FHIT: variants seen among roughly 807,000 people sequenced by gnomAD.
FHIT encodes the protein fragile histidine triad diadenosine triphosphatase.
In FHIT, 19 loss-of-function variants were observed where a neutral mutation model predicts 17.9. The observed-to-expected ratio is 1.06, with a 90% CI of 0.74 to 1.56. The LOEUF is 1.56. FHIT is among the 40% of genes most tolerant of loss of function. The pLI is 0.00. For missense variants in FHIT, 248 were observed against 189.2 expected, an observed-to-expected ratio of 1.31 and a Z score of -1.82; for synonymous variants, 81 against 69.7, an observed-to-expected ratio of 1.16 and a Z score of -0.81.
intron 8 of FHIT, among the ~76,000 whole-genome samples, chr3:59,903,664 T>C (rs1019620469): frequency 1.3e-5 from 2 of 152,062 alleles, no homozygotes; most frequent in East Asian, 1.9e-4. Flanking sequence ...CTGGAGTAGT[T>C]AGAAAAGCCC....
In FHIT at chr3:61,045,908, G is replaced by A. The variant is rs555702914; in HGVS notation, c.-163-3809C>T. Reference sequence around the variant, plus strand: ...ATGACTACTGGGCACATAACGAAATGAAGGCAGAAATAAAGATGTTCTTTG... The same window carrying A: ...ATGACTACTGGGCACATAACGAAATAAAGGCAGAAATAAAGATGTTCTTTG... On this transcript the variant is annotated intron_variant, in intron 2 of 9. Transcript: ENST00000492590. Among the ~76,000 whole-genome samples the A allele has an allele frequency of 2.0e-5, 3 of 152,224 alleles. No homozygotes were observed. The South Asian group carries it at 6.2e-4, about 32-fold the overall frequency.
In FHIT at chr3:60,536,860, G is replaced by A. The variant is rs773014183; in HGVS notation, c.103C>T (p.His35Tyr). Residue 35 changes from histidine (H) to tyrosine (Y), a missense_variant and splice_region_variant, in exon 5 of 10, where the codon CAT becomes TAT. Transcript: ENST00000492590. ...LVNRKPVVPG[H>Y]VLVCPLRPVE... ...CTCCAAAAAAAAAAAGAAAGGATAC[G>A]TCCTGGTACCACAGGTTTCCTATTC... The A allele has an allele frequency of 4.6e-5, 73 of 1,596,948 alleles. No homozygotes were observed. Among genetic ancestry groups the A allele is most frequent in the Non-Finnish European group, 5.6e-5 (66 of 1,174,160 alleles).
chr3:60,303,320 G>A (rs770976656), intron 5 of FHIT, among the ~76,000 whole-genome samples: 5 of 152,114 alleles, frequency 3.3e-5, no homozygotes, highest in East Asian at 1.9e-4. Context: ...ATGTGTTTTC[G>A]TTCTCAGATA....
chr3:61,195,422 T>A, intron 2 of FHIT, among the ~76,000 whole-genome samples: 1 of 152,278 alleles, frequency 6.6e-6, no homozygotes, highest in South Asian at 2.1e-4. Context: ...AGACATGTTA[T>A]TGCTGATGGT....
chr3:60,965,480 G>C (rs1455391931), intron 3 of FHIT, among the ~76,000 whole-genome samples: 1 of 152,188 alleles, frequency 6.6e-6, no homozygotes, highest in Non-Finnish European at 1.5e-5. Flanking sequence ...CCTTGCTGGC[G>C]AGGAGCTAGG....
intron 8 of FHIT, among the ~76,000 whole-genome samples, chr3:59,887,317 C>T (rs17061338): frequency 2.6e-5 from 4 of 152,030 alleles, no homozygotes; most frequent in Admixed American, 1.3e-4. Context: ...CATCTTTGGG[C>T]CAAAAGCCTG....
intron 5 of FHIT, among the ~76,000 whole-genome samples, chr3:60,332,590 C>T (rs1375993350): frequency 3.3e-5 from 5 of 152,174 alleles, no homozygotes; most frequent in Admixed American, 3.3e-4. Context: ...CTCATATACA[C>T]AGGTGGAACC....
rs188142693 is a variant in FHIT at position 59,752,786 on chromosome 3, T to A, written c.349-465A>T. Among the ~76,000 whole-genome samples the A allele has an allele frequency of 3.3e-5, 5 of 152,200 alleles. No individual in the cohort carries two copies. The East Asian group carries it at 9.7e-4, about 29-fold the overall frequency. On this transcript the variant is annotated intron_variant, in intron 8 of 9. Coordinates refer to ENST00000492590, the MANE Select transcript of FHIT (RefSeq NM_002012.4). ...CACAGAAGACGTGCCTGCTTTCCCT[T>A]CCGCCATGATTGAAAGGTTCCTGAG...
At chr3:60,532,584 A>G (rs1168638554) in intron 5 of FHIT, among the ~76,000 whole-genome samples, 1 of 152,230 alleles carries the variant, frequency 6.6e-6, no homozygotes. Context: ...ATTTTCCAGT[A>G]ACAAGAAATT....
intron 5 of FHIT, among the ~76,000 whole-genome samples, chr3:60,187,106 G>A (rs1391582173): frequency 6.6e-6 from 1 of 152,104 alleles, no homozygotes; most frequent in Non-Finnish European, 1.5e-5. Context: ...GGTCCTGTGG[G>A]GGATCAAATG....
At chr3:59,797,265 T>C (rs1312183927) in intron 8 of FHIT, among the ~76,000 whole-genome samples, 1 of 151,954 alleles carries the variant, frequency 6.6e-6, no homozygotes, top group Non-Finnish European at 1.5e-5. Context: ...CTACTCACTG[T>C]AACCTCCGCC....
chr3:59,931,974 T>TA (rs3836261), intron 7 of FHIT, among the ~76,000 whole-genome samples: 51,870 of 151,016 alleles, frequency 0.34, 8,908 homozygotes, highest in East Asian at 0.41. Context: ...TCTTTTCAAG[T>TA]AAAAAAAAAG....
At chr3:60,896,445 TC>T (rs1225070556) in intron 3 of FHIT, among the ~76,000 whole-genome samples, 1 of 152,144 alleles carries the variant, frequency 6.6e-6, no homozygotes, top group Non-Finnish European at 1.5e-5. Context: ...TCCTTGCCTT[TC>T]CCCAATCCAC....
chr3:59,752,130 A>G (rs1326172236), intron 9 of FHIT, 91 bp downstream of exon 9: 11 of 840,096 alleles, frequency 1.3e-5, no homozygotes, highest in Non-Finnish European at 2.1e-5. Flanking sequence ...GATGCTGGTG[A>G]AGGTGTTTTT....
chr3:60,607,093 C>A (rs9883165), intron 4 of FHIT, among the ~76,000 whole-genome samples: 2,665 of 152,184 alleles, frequency 0.018, 88 homozygotes, highest in African/African-American at 0.062. Context: ...TGTCTGTCAT[C>A]AGGAATTAGA....
chr3:60,454,831 C>T (rs2031984894), intron 5 of FHIT, among the ~76,000 whole-genome samples: 1 of 152,082 alleles, frequency 6.6e-6, no homozygotes, highest in Non-Finnish European at 1.5e-5. Context: ...TCCCAGGAGA[C>T]ACTACTTATC....
intron 5 of FHIT, among the ~76,000 whole-genome samples, chr3:60,391,823 C>T (rs1276626549): frequency 1.3e-5 from 2 of 152,130 alleles, no homozygotes; most frequent in Non-Finnish European, 2.9e-5. Context: ...TCATAAAAAT[C>T]TGGATATTGA....
At chr3:60,496,018 AC>A (rs2107512357) in intron 5 of FHIT, among the ~76,000 whole-genome samples, 1 of 152,294 alleles carries the variant, frequency 6.6e-6, no homozygotes, top group African/African-American at 2.4e-5. Context: ...ATATCAAGGC[AC>A]ATATGGAAAA....
chr3:60,828,280 A>C (rs185820313), intron 3 of FHIT, among the ~76,000 whole-genome samples: 1 of 152,220 alleles, frequency 6.6e-6, no homozygotes, highest in Non-Finnish European at 1.5e-5. Flanking sequence ...CATTAACATA[A>C]CCATTTTAAC....
Sources: gnomAD v4.1 joint callset for allele counts (sites outside exome capture counted in the v4.1 genomes callset) on GRCh38, gnomAD v4.1.1 for gene constraint, MANE v1.5 for transcripts, NCBI Gene and HGNC (gene_info 2026-07-23, HGNC 2026-07-21) for gene names.